Variants in CSMD2 observed in about 807,000 individuals in gnomAD.
The protein encoded by CSMD2 is CUB and Sushi multiple domains 2.
CSMD2 carries 130 observed loss-of-function variants against 398.5 expected under a neutral mutation model. The ratio of observed to expected loss-of-function variants is 0.33; its 90% CI spans 0.28 to 0.38. The LOEUF is 0.38. CSMD2 is among the 10% of genes least tolerant of loss of function. The pLI, the probability that CSMD2 is intolerant of heterozygous loss-of-function variation, is 1.00. For missense variants in CSMD2, 3,829 were observed against 4,764.9 expected, an observed-to-expected ratio of 0.80 and a Z score of 5.78; for synonymous variants, 1,828 against 1,908.5, an observed-to-expected ratio of 0.96 and a Z score of 1.10.
At chr1:33,980,525 C>CA in intron 3 of CSMD2, among the ~76,000 whole-genome samples, 1 of 152,266 alleles carries the variant, frequency 6.6e-6, no homozygotes, top group East Asian at 1.9e-4. Context: ...GTTCCAGGGC[C>CA]AGGTACACAG....
chr1:33,688,444 G>A (rs975848432), intron 25 of CSMD2, among the ~76,000 whole-genome samples: 1 of 152,220 alleles, frequency 6.6e-6, no homozygotes, highest in South Asian at 2.1e-4. Context: ...TTTATGTGGG[G>A]TGTGAGGAGG....
At chr1:33,574,203 T>C (rs10798972) in intron 49 of CSMD2, among the ~76,000 whole-genome samples, 2 of 151,880 alleles carry the variant, frequency 1.3e-5, no homozygotes. Flanking sequence ...GAAAGGACAA[T>C]ATATGAGATA....
intron 12 of CSMD2, among the ~76,000 whole-genome samples, chr1:33,778,237 C>T (rs116445037): frequency 6.6e-6 from 1 of 151,954 alleles, no homozygotes; most frequent in Non-Finnish European, 1.5e-5. Flanking sequence ...GCTCTGTTGC[C>T]CAAACTGGAG....
chr1:33,612,030 A>G (rs1184829081), intron 40 of CSMD2, among the ~76,000 whole-genome samples: 1 of 152,196 alleles, frequency 6.6e-6, no homozygotes, highest in Non-Finnish European at 1.5e-5. Flanking sequence ...TAATTTTTGT[A>G]TTATAAAACA....
intron 5 of CSMD2, among the ~76,000 whole-genome samples, chr1:33,895,558 C>T (rs747233649): frequency 6.6e-6 from 1 of 152,150 alleles, no homozygotes; most frequent in Non-Finnish European, 1.5e-5. Flanking sequence ...GCAGCAGGGC[C>T]ACCCCACGGG....
chr1:33,955,125 C>T (rs898531644), intron 3 of CSMD2, among the ~76,000 whole-genome samples: 5 of 152,188 alleles, frequency 3.3e-5, no homozygotes, highest in Non-Finnish European at 7.3e-5. Flanking sequence ...CCACACTGCC[C>T]GGATCCCCAT....
intron 1 of CSMD2, among the ~76,000 whole-genome samples, chr1:34,115,792 C>CAATAA (rs1661544254): frequency 4.0e-5 from 6 of 151,778 alleles, no homozygotes; most frequent in Non-Finnish European, 7.4e-5. Context: ...AGGTGAAATT[C>CAATAA]GTGATATTGC....
chr1:34,079,255 T>C (rs1656775733), intron 2 of CSMD2, among the ~76,000 whole-genome samples: 1 of 152,104 alleles, frequency 6.6e-6, no homozygotes, highest in African/African-American at 2.4e-5. Context: ...CTGGAGGTTC[T>C]AGACAGCACA....
chr1:33,868,562 C>T (rs931283334), intron 5 of CSMD2, among the ~76,000 whole-genome samples: 1 of 151,966 alleles, frequency 6.6e-6, no homozygotes, highest in African/African-American at 2.4e-5. Flanking sequence ...ATGGTGAAAC[C>T]CCATGTCTAC....
chr1:34,118,726 C>A (rs1661856622), intron 1 of CSMD2, among the ~76,000 whole-genome samples: 2 of 152,168 alleles, frequency 1.3e-5, no homozygotes, highest in South Asian at 4.2e-4. Context: ...ACTGAGGAGG[C>A]AAAAGACTTG....
At chr1:33,877,206 G>A (rs564776275) in intron 5 of CSMD2, among the ~76,000 whole-genome samples, 46 of 152,192 alleles carry the variant, frequency 3.0e-4, no homozygotes, top group African/African-American at 1.1e-3. Flanking sequence ...TGGCTATGGC[G>A]CACAGCCCAG....
intron 5 of CSMD2, among the ~76,000 whole-genome samples, chr1:33,872,496 T>C (rs937164369): frequency 2.0e-5 from 3 of 152,106 alleles, no homozygotes; most frequent in South Asian, 2.1e-4. Flanking sequence ...GTAGGCCTCA[T>C]AGATCCTCCA....
chr1:33,757,529 C>T (rs982439094), intron 13 of CSMD2, among the ~76,000 whole-genome samples: 7 of 152,142 alleles, frequency 4.6e-5, no homozygotes, highest in South Asian at 2.1e-4. Flanking sequence ...TTGCCCTAGG[C>T]GCTCTTCTCA....
intron 3 of CSMD2, among the ~76,000 whole-genome samples, chr1:33,943,057 A>G (rs1644728378): frequency 6.6e-6 from 1 of 152,102 alleles, no homozygotes; most frequent in Admixed American, 6.5e-5. Context: ...TGCCCTATTG[A>G]CCCTGCCAGG....
intron 6 of CSMD2, among the ~76,000 whole-genome samples, chr1:33,837,703 ACAT>A (rs1425278823): frequency 6.6e-6 from 1 of 152,250 alleles, no homozygotes; most frequent in Non-Finnish European, 1.5e-5. Context: ...GAAGTCATAC[ACAT>A]CATACATATA....
intron 3 of CSMD2, among the ~76,000 whole-genome samples, chr1:33,962,684 A>G (rs572351163): frequency 5.3e-5 from 8 of 151,836 alleles, no homozygotes; most frequent in African/African-American, 1.9e-4. Context: ...GGACCTTTGT[A>G]CTTGCAGCTC....
At chr1:34,002,119 T>C (rs1298667351) in intron 3 of CSMD2, among the ~76,000 whole-genome samples, 1 of 152,212 alleles carries the variant, frequency 6.6e-6, no homozygotes, top group East Asian at 1.9e-4. Context: ...CTTTGTTTTC[T>C]TGAAAAATCT....
At chr1:33,565,873 A>T (rs1557544851) in intron 53 of CSMD2, among the ~76,000 whole-genome samples, 1 of 152,176 alleles carries the variant, frequency 6.6e-6, no homozygotes, top group African/African-American at 2.4e-5. Context: ...TATGCTTTAA[A>T]GAGATAAAAG....
At chr1:34,124,579 GGCTTGCTC>G (rs1662547333) in intron 1 of CSMD2, among the ~76,000 whole-genome samples, 1 of 151,992 alleles carries the variant, frequency 6.6e-6, no homozygotes, top group South Asian at 2.1e-4. Context: ...TCTTCTCATT[GGCTTGCTC>G]AGAACTTCCC....
Sources: allele counts gnomAD v4.1 joint callset (sites outside exome capture counted in the v4.1 genomes callset), GRCh38; gene constraint gnomAD v4.1.1; transcripts MANE v1.5; gene names NCBI Gene and HGNC (gene_info 2026-07-23, HGNC 2026-07-21).